ARHGAP22: variants seen among roughly 807,000 people sequenced by gnomAD.
The protein encoded by ARHGAP22 is rho GTPase-activating protein 22.
ARHGAP22 carries 48 observed loss-of-function variants against 59.1 expected under a neutral mutation model. The ratio of observed to expected loss-of-function variants is 0.81; its 90% CI spans 0.64 to 1.03. The LOEUF (loss-of-function observed/expected upper bound fraction) is 1.03, where lower values mean the gene tolerates loss of function less well. Among genes scored for constraint, ARHGAP22 ranks in the 50% least tolerant of loss-of-function variants. ARHGAP22 has a pLI of 0.00. For missense variants in ARHGAP22, 1,015 were observed against 958.7 expected (o/e 1.06, Z -0.78); for synonymous variants, 445 against 416.4 (o/e 1.07, Z -0.84).
At chr10:48,610,048 C>T (rs1013244901), upstream of ARHGAP22, among the ~76,000 whole-genome samples, 2 of 152,200 alleles carry the variant, frequency 1.3e-5, no homozygotes, top group Non-Finnish European at 2.9e-5. Flanking sequence ...GAGGGAATGG[C>T]CTTTCTCTCC....
At chr10:48,533,845 C>G (rs146110678) in intron 3 of ARHGAP22, among the ~76,000 whole-genome samples, 1 of 152,126 alleles carries the variant, frequency 6.6e-6, no homozygotes, top group Non-Finnish European at 1.5e-5. Flanking sequence ...CCTCTTAAGT[C>G]GGGAAGTACT....
At chr10:48,652,552 T>G in exon 1 of ARHGAP22, 1 of 514,252 alleles carries the variant, frequency 1.9e-6, no homozygotes, top group East Asian at 3.1e-5. Context: ...GGGGTATCAG[T>G]TCCTCAAATC....
chr10:48,581,002 T>C (rs2059084166), intron 2 of ARHGAP22, among the ~76,000 whole-genome samples: 1 of 151,400 alleles, frequency 6.6e-6, no homozygotes, highest in African/African-American at 2.4e-5. Context: ...TCCTTCAAGA[T>C]GAGTCCCCAG....
At chr10:48,460,948 AAGTAG>A (rs1564694260) in intron 4 of ARHGAP22, among the ~76,000 whole-genome samples, 1 of 152,192 alleles carries the variant, frequency 6.6e-6, no homozygotes, top group Non-Finnish European at 1.5e-5. Flanking sequence ...CACAGACAGA[AAGTAG>A]AATGGTGGCT....
At chr10:48,644,102 G>A (rs895267480) in intron 1 of ARHGAP22, among the ~76,000 whole-genome samples, 68 of 152,294 alleles carry the variant, frequency 4.5e-4, no homozygotes, top group African/African-American at 1.5e-3. Flanking sequence ...AGCCGAGATC[G>A]TGCCATTGCA....
rs527753227 is a variant in ARHGAP22, at chr10:48,464,968, C to G, written c.452-5077G>C. ...GCTTAGCCTCCCAAGAGGCTTCCTT[C>G]CCCGCGGCCCTCCTGTGGGAGGCAC... On this transcript the variant is annotated intron_variant, in intron 4 of 9. Transcript: ENST00000249601. Among the ~76,000 whole-genome samples, 12 of 151,900 alleles carry G rather than the reference C, an allele frequency of 7.9e-5. No homozygotes were observed. The South Asian group carries it at 2.5e-3, about 31-fold the overall frequency.
intron 4 of ARHGAP22, among the ~76,000 whole-genome samples, chr10:48,473,772 C>T (rs916457267): frequency 2.6e-5 from 4 of 152,238 alleles, no homozygotes; most frequent in African/African-American, 9.6e-5. Context: ...CCTCCTCTCA[C>T]ACTTCAATGC....
chr10:48,549,878 T>A (rs1231610270), intron 3 of ARHGAP22, among the ~76,000 whole-genome samples: 3 of 152,128 alleles, frequency 2.0e-5, no homozygotes, highest in African/African-American at 7.2e-5. Flanking sequence ...AGCAGTGTTT[T>A]TTGCAAGCCC....
intron 1 of ARHGAP22, among the ~76,000 whole-genome samples, chr10:48,613,034 A>G (rs184721019): frequency 1.6e-3 from 248 of 152,286 alleles, no homozygotes; most frequent in African/African-American, 5.8e-3. Flanking sequence ...CCTCTGACCA[A>G]CACTTCTTTT....
intron 1 of ARHGAP22, among the ~76,000 whole-genome samples, chr10:48,643,844 C>T (rs2062173324): frequency 6.6e-6 from 1 of 151,066 alleles, no homozygotes; most frequent in African/African-American, 2.4e-5. Context: ...ATAAAATAGA[C>T]ATTAAGAAAA....
chr10:48,585,296 G>GT (rs5784767), intron 1 of ARHGAP22, among the ~76,000 whole-genome samples: 11,590 of 152,194 alleles, frequency 0.076, 480 homozygotes, highest in Middle Eastern at 0.11. Flanking sequence ...CTCACCACCT[G>GT]TTTTTTTGTT....
upstream of ARHGAP22, among the ~76,000 whole-genome samples, chr10:48,652,901 T>C (rs376882837): frequency 5.9e-5 from 9 of 152,236 alleles, no homozygotes; most frequent in East Asian, 7.7e-4. Context: ...AGGCTGCTCA[T>C]GGCATGGCTT....
At chr10:48,447,367 GA>G (rs1212125825) in intron 9 of ARHGAP22, among the ~76,000 whole-genome samples, 1 of 152,218 alleles carries the variant, frequency 6.6e-6, no homozygotes, top group Non-Finnish European at 1.5e-5. Context: ...GGTGACCTCT[GA>G]GCCACATGGC....
chr10:48,535,710 A>G (rs1018552362), intron 3 of ARHGAP22, among the ~76,000 whole-genome samples: 15 of 152,230 alleles, frequency 9.9e-5, no homozygotes, highest in African/African-American at 3.6e-4. Flanking sequence ...TTGCCACCAC[A>G]CTGCTTTGAC....
At chr10:48,544,154 A>G (rs2056221938) in intron 3 of ARHGAP22, among the ~76,000 whole-genome samples, 1 of 151,942 alleles carries the variant, frequency 6.6e-6, no homozygotes, top group South Asian at 2.1e-4. Flanking sequence ...GGGTGGGGTC[A>G]GGGGAGAAAC....
chr10:48,606,592 C>G (rs1010520969), upstream of ARHGAP22, among the ~76,000 whole-genome samples: 13 of 152,174 alleles, frequency 8.5e-5, no homozygotes, highest in Admixed American at 3.9e-4. Flanking sequence ...AGCGCCTGCT[C>G]CTGTGTGCCC....
intron 3 of ARHGAP22, among the ~76,000 whole-genome samples, chr10:48,512,481 G>A (rs1677736227): frequency 1.3e-5 from 2 of 152,204 alleles, no homozygotes; most frequent in Non-Finnish European, 2.9e-5. Flanking sequence ...ATGTTTATGT[G>A]TTAAAAATGC....
At chr10:48,630,104 C>CT (rs973351329) in intron 1 of ARHGAP22, among the ~76,000 whole-genome samples, 24 of 145,162 alleles carry the variant, frequency 1.7e-4, no homozygotes, top group Non-Finnish European at 9.3e-5. Context: ...ACTTTTTTTT[C>CT]TTTTTTCAGA....
intron 3 of ARHGAP22, among the ~76,000 whole-genome samples, chr10:48,510,085 T>C (rs756574031): frequency 6.6e-6 from 1 of 152,192 alleles, no homozygotes; most frequent in Admixed American, 6.5e-5. Context: ...GGAGCCTTGA[T>C]ATTTTCATCT....
Sources: allele counts gnomAD v4.1 joint callset (sites outside exome capture counted in the v4.1 genomes callset), GRCh38; gene constraint gnomAD v4.1.1; transcripts MANE v1.5; gene names NCBI Gene and HGNC (gene_info 2026-07-23, HGNC 2026-07-21).